Variants in WWOX observed in about 807,000 individuals in gnomAD.
The protein encoded by WWOX is WW domain containing oxidoreductase.
Under a neutral mutation model 46.2 loss-of-function variants are expected in WWOX, and 69 were observed. That is an observed-to-expected ratio of 1.49 (90% CI 1.23 to 1.82). The LOEUF is 1.82. Ranked by LOEUF, WWOX falls within the 40% of genes most tolerant of loss-of-function variation. WWOX has a pLI of 0.00. For missense variants in WWOX, 919 were observed against 542.6 expected, an observed-to-expected ratio of 1.69 and a Z score of -6.89; for synonymous variants, 359 against 202.6, an observed-to-expected ratio of 1.77 and a Z score of -6.56.
intron 8 of WWOX, among the ~76,000 whole-genome samples, chr16:78,742,817 T>A (rs757781337): frequency 6.6e-6 from 1 of 152,178 alleles, no homozygotes; most frequent in Non-Finnish European, 1.5e-5. Context: ...GGAATTCACT[T>A]GAAATTGTCC....
intron 3 of WWOX, among the ~76,000 whole-genome samples, chr16:78,113,963 C>G (rs113508147): frequency 0.037 from 5,154 of 139,880 alleles, 112 homozygotes; most frequent in African/African-American, 0.053. Context: ...GAAATTTCAT[C>G]TATATTTAGA....
intron 8 of WWOX, among the ~76,000 whole-genome samples, chr16:78,492,725 G>C (rs8054906): frequency 6.6e-6 from 1 of 152,106 alleles, no homozygotes; most frequent in African/African-American, 2.4e-5. Flanking sequence ...TCAAAGTTAT[G>C]ATTCAGGGAG....
At chr16:78,961,152 T>A (rs2046263601) in intron 8 of WWOX, among the ~76,000 whole-genome samples, 1 of 152,170 alleles carries the variant, frequency 6.6e-6, no homozygotes, top group South Asian at 2.1e-4. Flanking sequence ...ATGTTCCAGA[T>A]CATAGTCTCC....
chr16:78,478,037 C>T (rs938150547), intron 8 of WWOX, among the ~76,000 whole-genome samples: 1 of 151,982 alleles, frequency 6.6e-6, no homozygotes, highest in African/African-American at 2.4e-5. Flanking sequence ...CAATAAAATC[C>T]CCTAAAGAAA....
At chr16:78,444,686 A>G (rs978740899) in intron 8 of WWOX, among the ~76,000 whole-genome samples, 2 of 151,720 alleles carry the variant, frequency 1.3e-5, no homozygotes, top group African/African-American at 4.8e-5. Flanking sequence ...GCGTGCCACC[A>G]CACCCGGCTA....
At chr16:78,672,853 A>G (rs1477858367) in intron 8 of WWOX, among the ~76,000 whole-genome samples, 3 of 152,232 alleles carry the variant, frequency 2.0e-5, no homozygotes, top group Non-Finnish European at 4.4e-5. Flanking sequence ...CTAAAATAGA[A>G]TCATCGCCTT....
chr16:78,485,577 G>A (rs78997874), intron 8 of WWOX, among the ~76,000 whole-genome samples: 9,272 of 152,190 alleles, frequency 0.061, 350 homozygotes, highest in Non-Finnish European at 0.089. Context: ...TGTTCTTTGG[G>A]TAATGGGGAG....
intron 8 of WWOX, among the ~76,000 whole-genome samples, chr16:78,984,183 GC>G (rs1443333514): frequency 6.6e-6 from 1 of 151,966 alleles, no homozygotes; most frequent in African/African-American, 2.4e-5. Flanking sequence ...CGGCCAGAGG[GC>G]TATTCTTTGT....
chr16:78,684,157 T>C (rs1057064228), intron 8 of WWOX, among the ~76,000 whole-genome samples: 2 of 151,938 alleles, frequency 1.3e-5, no homozygotes, highest in South Asian at 4.2e-4. Flanking sequence ...AGGCTTAGAG[T>C]TGGTTTCCCA....
intron 8 of WWOX, among the ~76,000 whole-genome samples, chr16:78,682,686 A>C (rs2548882): frequency 0.81 from 123,623 of 151,918 alleles, 50,428 homozygotes; most frequent in Middle Eastern, 0.85. Context: ...TTGGCCTGGG[A>C]AATATAGCAA....
At chr16:79,165,122 T>C (rs1019587873) in intron 8 of WWOX, among the ~76,000 whole-genome samples, 1 of 148,186 alleles carries the variant, frequency 6.7e-6, no homozygotes, top group Non-Finnish European at 1.5e-5. Context: ...AAACTTGATA[T>C]GGAAGGTCTT....
chr16:78,291,846 T>C lies in WWOX; in HGVS notation c.517-95014T>C, dbSNP rs1300199833. Among the ~76,000 whole-genome samples the C allele has an allele frequency of 2.0e-5, 3 of 151,630 alleles. No individual in the cohort carries two copies. The East Asian group carries it at 5.8e-4, about 29-fold the overall frequency. ...GCAAGAAGCCATCTTTGCAGTGAGC[T>C]GAGAGGTCTGATGGCCGCCAGCTGA... On this transcript the variant is annotated intron_variant, in intron 5 of 8. Transcript: ENST00000566780.
chr16:78,929,705 G>A (rs2045577252), intron 8 of WWOX, among the ~76,000 whole-genome samples: 1 of 152,184 alleles, frequency 6.6e-6, no homozygotes, highest in Non-Finnish European at 1.5e-5. Context: ...AAGATTTCAG[G>A]AAGAGCGTTT....
At chr16:79,200,130 G>A (rs749565772) in intron 8 of WWOX, among the ~76,000 whole-genome samples, 4 of 152,152 alleles carry the variant, frequency 2.6e-5, no homozygotes, top group Admixed American at 6.5e-5. Flanking sequence ...TGCAGGGGAG[G>A]CACCATAGAC....
At chr16:78,457,139 T>C (rs1214867228) in intron 8 of WWOX, among the ~76,000 whole-genome samples, 2 of 152,240 alleles carry the variant, frequency 1.3e-5, no homozygotes, top group Non-Finnish European at 2.9e-5. Context: ...TCTCTGATCG[T>C]GTCTGTGTCT....
chr16:78,348,804 C>G (rs1296661603), intron 5 of WWOX, among the ~76,000 whole-genome samples: 1 of 120,336 alleles, frequency 8.3e-6, no homozygotes. Context: ...GGTCAGGTAG[C>G]TATAAGCAAA....
intron 5 of WWOX, among the ~76,000 whole-genome samples, chr16:78,316,272 A>G (rs990715307): frequency 2.0e-5 from 3 of 152,128 alleles, no homozygotes; most frequent in Admixed American, 6.6e-5. Context: ...AACAGCATCC[A>G]CATGTGTGCA....
chr16:78,760,127 G>A (rs2049754714), intron 8 of WWOX, among the ~76,000 whole-genome samples: 1 of 152,142 alleles, frequency 6.6e-6, no homozygotes, highest in Non-Finnish European at 1.5e-5. Flanking sequence ...TGGCTAGGGT[G>A]GGTGCACAGT....
chr16:78,533,269 A>G (rs993485039), intron 8 of WWOX, among the ~76,000 whole-genome samples: 4 of 152,084 alleles, frequency 2.6e-5, no homozygotes, highest in Non-Finnish European at 5.9e-5. Context: ...TTGGCCGGGC[A>G]TGGTGGCTCA....
Sources: gnomAD v4.1 joint callset for allele counts (sites outside exome capture counted in the v4.1 genomes callset) on GRCh38, gnomAD v4.1.1 for gene constraint, MANE v1.5 for transcripts, NCBI Gene and HGNC (gene_info 2026-07-23, HGNC 2026-07-21) for gene names.